The following NMNAT1 variants were observed in gnomAD, a reference collection of about 807,000 sequenced individuals.
The protein encoded by NMNAT1 is nicotinamide nucleotide adenylyltransferase 1, also known as nicotinamide/nicotinic acid mononucleotide adenylyltransferase 1.
In NMNAT1, 11 loss-of-function variants were observed where a neutral mutation model predicts 16.7. That is an observed-to-expected ratio of 0.66 (90% confidence interval 0.41 to 1.09). The LOEUF is 1.09. Among genes scored for constraint, NMNAT1 ranks in the 50% least tolerant of loss-of-function variants. NMNAT1 has a pLI of 0.00. For synonymous variants in NMNAT1, 110 were observed against 119.8 expected (o/e 0.92, Z 0.53); for missense variants, 280 against 332.3 (o/e 0.84, Z 1.22).
At chr1:9,979,119 G>A (rs997156611) in intron 3 of NMNAT1, among the ~76,000 whole-genome samples, 2 of 152,160 alleles carry the variant, frequency 1.3e-5, no homozygotes, top group African/African-American at 2.4e-5. Context: ...AAAACCAGAA[G>A]TATTTTCAGT....
rs1475964343 is a variant in NMNAT1, at chr1:9,983,693, G to A, written c.*992G>A. 6.6e-6 allele frequency: 1 copy of A among 152,064 alleles called. No homozygotes were observed. Among genetic ancestry groups the A allele is most frequent in the Non-Finnish European group, 1.5e-5 (1 of 68,090 alleles). 9.4% of individuals were successfully genotyped at this position (152,064 alleles called of 1,614,324 possible). ...AAGCCTGACAGCTAGCAGGTTTCAG[G>A]ATCCATCTGCCAAGTTAGTGAAAGG... On this transcript the variant is annotated 3_prime_UTR_variant, in exon 5 of 5. Transcript: ENST00000377205.
chr1:9,967,722 C>T (rs1171515456), intron 1 of NMNAT1, among the ~76,000 whole-genome samples: 1 of 152,098 alleles, frequency 6.6e-6, no homozygotes, highest in African/African-American at 2.4e-5. Flanking sequence ...AAGCCCAGCA[C>T]TTTGGAATTG....
chr1:9,981,411 A>G (rs898618995), intron 4 of NMNAT1: 5 of 417,828 alleles, frequency 1.2e-5, no homozygotes, highest in Admixed American at 7.9e-5. Context: ...ATTTGTTTGT[A>G]TTTTTAGTAG....
intron 1 of NMNAT1, among the ~76,000 whole-genome samples, chr1:9,959,938 C>G (rs541787288): frequency 6.6e-6 from 1 of 152,198 alleles, no homozygotes; most frequent in East Asian, 1.9e-4. Flanking sequence ...AAGAACATAG[C>G]TACATGCTTA....
At chr1:9,950,337 C>T (rs558016165) in intron 1 of NMNAT1, among the ~76,000 whole-genome samples, 6 of 152,298 alleles carry the variant, frequency 3.9e-5, no homozygotes, top group African/African-American at 1.4e-4. Context: ...GTGATCCGCC[C>T]GCCTTGGCCT....
chr1:9,968,973 G>A (rs148521470), intron 1 of NMNAT1, among the ~76,000 whole-genome samples: 2,664 of 151,232 alleles, frequency 0.018, 34 homozygotes, highest in Non-Finnish European at 0.027. Flanking sequence ...GAAAAAACCT[G>A]GCACAAAAGG....
chr1:9,979,895 C>A (rs966023553), intron 3 of NMNAT1, among the ~76,000 whole-genome samples: 1 of 151,642 alleles, frequency 6.6e-6, no homozygotes, highest in South Asian at 2.1e-4. Flanking sequence ...CCTTCCCTTA[C>A]GGAGATAATA....
chr1:9,968,550 T>C (rs1468903348), intron 1 of NMNAT1, among the ~76,000 whole-genome samples: 2 of 27,304 alleles, frequency 7.3e-5, no homozygotes, highest in East Asian at 1.5e-3. Context: ...GTGGATCACT[T>C]AAGGTCAGGA....
chr1:9,945,161 G>A (rs1640945711), intron 1 of NMNAT1, among the ~76,000 whole-genome samples: 1 of 152,080 alleles, frequency 6.6e-6, no homozygotes, highest in South Asian at 2.1e-4. Flanking sequence ...TTGAACTCAG[G>A]AGGTGAATGC....
At chr1:9,962,538 C>G (rs1641442381) in intron 1 of NMNAT1, among the ~76,000 whole-genome samples, 1 of 151,526 alleles carries the variant, frequency 6.6e-6, no homozygotes, top group Admixed American at 6.6e-5. Flanking sequence ...AGGCAATATG[C>G]TAAGCCCCTT....
chr1:9,961,690 G>T (rs1287607739), intron 1 of NMNAT1, among the ~76,000 whole-genome samples: 1 of 152,144 alleles, frequency 6.6e-6, no homozygotes, highest in Non-Finnish European at 1.5e-5. Context: ...GACTACTACT[G>T]AACCTTCTCC....
At chr1:9,959,373 GAAAAAAAAAAAAAAA>G (rs70998331) in intron 1 of NMNAT1, among the ~76,000 whole-genome samples, 1 of 117,614 alleles carries the variant, frequency 8.5e-6, no homozygotes. Flanking sequence ...CTCCATCTTG[GAAAAAAAAAAAAAAA>G]AAAAAAAAAA....
At chr1:9,994,301 CG>C in the NMNAT1 span, among the ~76,000 whole-genome samples, 1 of 151,408 alleles carries the variant, frequency 6.6e-6, no homozygotes, top group African/African-American at 2.4e-5. Context: ...TTAGTAGAGA[CG>C]GGGTTTCACC....
chr1:9,979,167 G>T (rs1448746719), intron 3 of NMNAT1, among the ~76,000 whole-genome samples: 1 of 152,104 alleles, frequency 6.6e-6, no homozygotes, highest in Non-Finnish European at 1.5e-5. Flanking sequence ...TAGTCGCTTT[G>T]TAATAACCAA....
chr1:9,987,596 T>C (rs1642061484), downstream of NMNAT1, among the ~76,000 whole-genome samples: 1 of 151,958 alleles, frequency 6.6e-6, no homozygotes, highest in African/African-American at 2.4e-5. Flanking sequence ...GCCGAGATTG[T>C]GCCACTGCAC....
At chr1:9,968,075 TTTTTG>T (rs1434931935) in intron 1 of NMNAT1, among the ~76,000 whole-genome samples, 1 of 84,486 alleles carries the variant, frequency 1.2e-5, no homozygotes, top group African/African-American at 2.8e-5. Context: ...GTAGTTTTTT[TTTTTG>T]TTTTTTTTTG....
chr1:9,980,781 C>G (rs572594347), intron 3 of NMNAT1, among the ~76,000 whole-genome samples: 2 of 150,756 alleles, frequency 1.3e-5, no homozygotes, highest in Non-Finnish European at 3.0e-5. Context: ...CTCAGCCTCC[C>G]GAGTAGCTGG....
the NMNAT1 span, among the ~76,000 whole-genome samples, chr1:9,994,999 C>T: frequency 1.2e-4 from 19 of 152,278 alleles, no homozygotes; most frequent in East Asian, 3.1e-3. Flanking sequence ...CCACCCACCT[C>T]GGTCTCCCAA....
chr1:9,954,608 TTAATATTA>T (rs1641207098), intron 1 of NMNAT1, among the ~76,000 whole-genome samples: 1 of 152,080 alleles, frequency 6.6e-6, no homozygotes, highest in Non-Finnish European at 1.5e-5. Flanking sequence ...ACCCGATACT[TTAATATTA>T]TAACACTAAA....
Sources: allele counts gnomAD v4.1 joint callset (sites outside exome capture counted in the v4.1 genomes callset), GRCh38; gene constraint gnomAD v4.1.1; transcripts MANE v1.5; gene names NCBI Gene and HGNC (gene_info 2026-07-23, HGNC 2026-07-21).